LCLAT1: variants seen among roughly 807,000 people sequenced by gnomAD.
LCLAT1 encodes the protein lysocardiolipin acyltransferase 1.
In LCLAT1, 11 loss-of-function variants were observed where a neutral mutation model predicts 30.7. The observed-to-expected ratio is 0.36, with a 90% CI of 0.23 to 0.59. The LOEUF is 0.59. Ranked by LOEUF, LCLAT1 falls within the 20% of genes least tolerant of loss-of-function variation. The pLI, the probability that LCLAT1 is intolerant of heterozygous loss-of-function variation, is 0.77. For synonymous variants in LCLAT1, 155 were observed against 151.3 expected, an observed-to-expected ratio of 1.02 and a Z score of -0.18; for missense variants, 402 against 458.6, an observed-to-expected ratio of 0.88 and a Z score of 1.13.
chr2:30,472,633 T>C (rs760238393), intron 1 of LCLAT1, among the ~76,000 whole-genome samples: 1 of 152,212 alleles, frequency 6.6e-6, no homozygotes, highest in Non-Finnish European at 1.5e-5. Context: ...TGTAGTCATT[T>C]TAATGACATT....
intron 5 of LCLAT1, among the ~76,000 whole-genome samples, chr2:30,586,174 G>T (rs1044340815): frequency 1.4e-4 from 21 of 151,154 alleles, no homozygotes; most frequent in African/African-American, 3.7e-4. Flanking sequence ...AACCCGGGAG[G>T]CGGAGCTTGC....
intron 1 of LCLAT1, among the ~76,000 whole-genome samples, chr2:30,499,211 C>T (rs1684250002): frequency 1.3e-5 from 2 of 152,124 alleles, no homozygotes; most frequent in Non-Finnish European, 1.5e-5. Flanking sequence ...CGGAGTTTCG[C>T]TCTTATCGCC....
intron 3 of LCLAT1, among the ~76,000 whole-genome samples, chr2:30,558,556 C>T (rs546169309): frequency 6.9e-6 from 1 of 145,028 alleles, no homozygotes; most frequent in South Asian, 2.2e-4. Context: ...CGAGATCACA[C>T]CACTGCACTC....
chr2:30,492,848 G>A (rs963354857), intron 1 of LCLAT1, among the ~76,000 whole-genome samples: 1 of 152,074 alleles, frequency 6.6e-6, no homozygotes, highest in East Asian at 1.9e-4. Context: ...TTTTAGAGAT[G>A]ACAAATCAGT....
chr2:30,549,560 CATA>C (rs1287846746), intron 3 of LCLAT1, among the ~76,000 whole-genome samples: 1 of 152,150 alleles, frequency 6.6e-6, no homozygotes, highest in Non-Finnish European at 1.5e-5. Context: ...AAATAAATCA[CATA>C]ATAATCAGTT....
intron 5 of LCLAT1, among the ~76,000 whole-genome samples, chr2:30,633,144 C>T (rs1668849219): frequency 2.0e-5 from 3 of 152,142 alleles, no homozygotes; most frequent in African/African-American, 2.4e-5. Context: ...CAACGTGGCA[C>T]AGTGAATGAT....
intron 1 of LCLAT1, among the ~76,000 whole-genome samples, chr2:30,521,821 T>C (rs1484677818): frequency 6.6e-6 from 1 of 152,062 alleles, no homozygotes; most frequent in Non-Finnish European, 1.5e-5. Context: ...AAACTTATAT[T>C]GTGTTGTTTC....
chr2:30,566,648 A>G (rs927739928), intron 4 of LCLAT1, among the ~76,000 whole-genome samples: 6 of 152,208 alleles, frequency 3.9e-5, no homozygotes, highest in African/African-American at 1.4e-4. Context: ...GTGACTTGGA[A>G]TAATAGTTTA....
At position 30,640,605 on chromosome 2, in the gene LCLAT1, A is replaced by AAGAAAAATG. The variant is rs745566563; in HGVS notation, c.1120_1128dup (p.Lys374_Glu376dup). 6.2e-7 allele frequency: 1 copy of AAGAAAAATG among 1,602,036 alleles called. No homozygotes were observed. Among genetic ancestry groups the AAGAAAAATG allele is most frequent in the Non-Finnish European group, 8.5e-7 (1 of 1,175,382 alleles). On this transcript the variant is annotated inframe_insertion, in exon 6 of 6. Coordinates refer to ENST00000379509, the MANE Select transcript of LCLAT1 (RefSeq NM_001002257.3). ...ACACAAACAGCCACATTTAAATTCA[A>AAGAAAAATG]AGAAAAATGAGTAAGATTATAAGGT...
At chr2:30,567,747 T>C (rs1294318976) in intron 4 of LCLAT1, among the ~76,000 whole-genome samples, 1 of 152,206 alleles carries the variant, frequency 6.6e-6, no homozygotes, top group East Asian at 1.9e-4. Flanking sequence ...GATGGGACTT[T>C]AGAACACTAG....
At chr2:30,466,477 A>G (rs1365889757) in intron 1 of LCLAT1, among the ~76,000 whole-genome samples, 1 of 152,014 alleles carries the variant, frequency 6.6e-6, no homozygotes, top group African/African-American at 2.4e-5. Flanking sequence ...CTTTTATTTT[A>G]AAAATTTGAC....
At chr2:30,597,891 T>C (rs1226412741) in intron 5 of LCLAT1, among the ~76,000 whole-genome samples, 1 of 152,182 alleles carries the variant, frequency 6.6e-6, no homozygotes, top group Non-Finnish European at 1.5e-5. Context: ...CTTTTCTGTA[T>C]CTATTGAGAT....
At chr2:30,478,177 A>G (rs1256353215) in intron 1 of LCLAT1, among the ~76,000 whole-genome samples, 1 of 151,956 alleles carries the variant, frequency 6.6e-6, no homozygotes, top group African/African-American at 2.4e-5. Flanking sequence ...AGATAGTTTT[A>G]TAAATCATTA....
intron 4 of LCLAT1, among the ~76,000 whole-genome samples, chr2:30,563,563 A>G (rs775895792): frequency 6.6e-6 from 1 of 152,218 alleles, no homozygotes; most frequent in Non-Finnish European, 1.5e-5. Flanking sequence ...CTGCTGTGTA[A>G]GGGAAGACAG....
intron 1 of LCLAT1, among the ~76,000 whole-genome samples, chr2:30,453,815 A>T (rs912328134): frequency 6.6e-6 from 1 of 152,234 alleles, no homozygotes; most frequent in African/African-American, 2.4e-5. Flanking sequence ...ATAACGTGTG[A>T]GTGCCAGGTG....
At chr2:30,456,122 G>T (rs1384518954) in intron 1 of LCLAT1, among the ~76,000 whole-genome samples, 2 of 152,150 alleles carry the variant, frequency 1.3e-5, no homozygotes, top group Non-Finnish European at 2.9e-5. Flanking sequence ...TGGGTGAGTT[G>T]TGGTAGTTTG....
Position 30,541,882 on chromosome 2 carries a change from G to C in LCLAT1, c.364+8568G>C, listed in dbSNP as rs191292872. ...GTGTCCCATATCCTTGTCAGCATTA[G>C]GTGTTATCAGTCTTTCTAACTTCAG... is the stretch of plus-strand genomic sequence containing the variant. On this transcript the variant is annotated intron_variant, in intron 3 of 5. Transcript: ENST00000379509. Among the ~76,000 whole-genome samples the C allele has an allele frequency of 2.0e-4, 30 of 152,232 alleles. No individual in the cohort carries two copies. The East Asian group carries it at 5.6e-3, about 28-fold the overall frequency.
intron 1 of LCLAT1, among the ~76,000 whole-genome samples, chr2:30,511,450 A>T (rs1684934762): frequency 6.6e-6 from 1 of 152,236 alleles, no homozygotes; most frequent in African/African-American, 2.4e-5. Context: ...AAATATAATT[A>T]AGTTAAAAAT....
At chr2:30,540,698 C>G (rs1213574878) in intron 3 of LCLAT1, among the ~76,000 whole-genome samples, 11 of 149,726 alleles carry the variant, frequency 7.3e-5, no homozygotes, top group African/African-American at 2.7e-4. Flanking sequence ...AAGTCTCCCT[C>G]TTGTCCCCCA....
Sources: allele counts gnomAD v4.1 joint callset (sites outside exome capture counted in the v4.1 genomes callset), GRCh38; gene constraint gnomAD v4.1.1; transcripts MANE v1.5; gene names NCBI Gene and HGNC (gene_info 2026-07-23, HGNC 2026-07-21).